The following IL16 variants were observed in gnomAD, a reference collection of about 807,000 sequenced individuals.
IL16 encodes pro-interleukin-16.
In IL16, 67 loss-of-function variants were observed where a neutral mutation model predicts 110.1. That is an observed-to-expected ratio of 0.61 (90% CI 0.50 to 0.75). IL16 has a LOEUF of 0.75. IL16 is among the 30% of genes least tolerant of loss of function. The probability of loss-of-function intolerance (pLI) is 0.00; values close to 1 mark genes in which losing one functional copy is unlikely to be tolerated. For missense variants in IL16, 1,545 were observed against 1,655.0 expected, an observed-to-expected ratio of 0.93 and a Z score of 1.15; for synonymous variants, 689 against 662.9, an observed-to-expected ratio of 1.04 and a Z score of -0.61.
chr15:81,298,767 G>A (rs931392894), intron 13 of IL16, among the ~76,000 whole-genome samples: 10 of 152,200 alleles, frequency 6.6e-5, no homozygotes, highest in African/African-American at 1.9e-4. Flanking sequence ...GCAAACACAC[G>A]GCTTCAGGGC....
chr15:81,215,933 G>C (rs1013954795), intron 1 of IL16, among the ~76,000 whole-genome samples: 1 of 152,250 alleles, frequency 6.6e-6, no homozygotes, highest in Non-Finnish European at 1.5e-5. Context: ...CACCAGGAAA[G>C]TACTCAGGTG....
intron 1 of IL16, among the ~76,000 whole-genome samples, chr15:81,186,988 A>G (rs1895429119): frequency 6.6e-6 from 1 of 152,066 alleles, no homozygotes; most frequent in African/African-American, 2.4e-5. Flanking sequence ...GCATTTCCAA[A>G]TAAGTTGGGG....
In IL16 at chr15:81,299,248, C is replaced by T. The variant is rs1021097273; in HGVS notation, c.2054-132C>T. ...GTAATAGCACCTGGAGTTCACCCACCTGGGTGTCCCCCACTTCTGCTAATC... is the reference window on the plus strand; with the variant it reads ...GTAATAGCACCTGGAGTTCACCCACTTGGGTGTCCCCCACTTCTGCTAATC... On this transcript the variant is annotated intron_variant, in intron 13 of 18. Coordinates refer to ENST00000683961, the MANE Select transcript of IL16 (RefSeq NM_172217.5). 3 of 1,495,156 alleles carry T rather than the reference C, an allele frequency of 2.0e-6. No individual in the cohort carries two copies. In the African/African-American group the frequency reaches 4.1e-5, roughly 21 times the overall value. 92.6% of individuals were successfully genotyped at this position (1,495,156 alleles called of 1,614,324 possible). A position where few individuals can be genotyped will look rare whatever the true frequency, so the allele number is the denominator to read the frequency against.
rs1899037074 is a variant in IL16 at position 81,278,892 on chromosome 15, T to A, written c.864+2T>A. ...CAGGATGCTTTGCAGAAGTTCAAGG[T>A]GACCATTTCTTATCAACACGTGACC... On this transcript the variant is annotated splice_donor_variant, in intron 7 of 18. Coordinates refer to ENST00000683961, the MANE Select transcript of IL16 (RefSeq NM_172217.5). LOFTEE classifies it high-confidence loss of function. The A allele has an allele frequency of 6.2e-7, 1 of 1,606,976 alleles. No homozygotes were observed. Among genetic ancestry groups the A allele is most frequent in the African/African-American group, 1.3e-5 (1 of 74,776 alleles).
chr15:81,301,214 T>C (rs887144959), intron 14 of IL16, 130 bp from the exon 15 acceptor site: 2 of 680,830 alleles, frequency 2.9e-6, no homozygotes, highest in South Asian at 2.0e-5. Context: ...TATCTACTCA[T>C]AGATTTGTTG....
At chr15:81,189,446 T>C (rs537239204) in intron 1 of IL16, among the ~76,000 whole-genome samples, 1 of 152,238 alleles carries the variant, frequency 6.6e-6, no homozygotes, top group African/African-American at 2.4e-5. Context: ...ATTTTTCATT[T>C]TTATTTTTGT....
rs752252940 is a variant in IL16 at position 81,225,641 on chromosome 15, C to T, written c.242C>T (p.Ser81Leu). ...AGTGTTCCTGATCTAGCACTGGCCT[C>T]GGAGGCTGCTCAACTCCAAGCAGCT... Reference protein sequence around the residue: ...PSSVPDLALASEAAQLQAAGN... With the variant: ...PSSVPDLALALEAAQLQAAGN... Residue 81 changes from serine (S) to leucine (L), a missense_variant, in exon 2 of 19, where the codon TCG (serine) becomes TTG (leucine). This residue lies in a region of IL16 where 1,185 missense variants were observed against 1,238.8 expected (regional missense o/e 0.96). Transcript: ENST00000683961. 1.8e-5 allele frequency: 29 copies of T among 1,614,034 alleles called. No homozygotes were observed. Among genetic ancestry groups the T allele is most frequent in the African/African-American group, 1.3e-4 (10 of 75,002 alleles).
At chr15:81,238,436 G>A (rs1223015701) in intron 2 of IL16, among the ~76,000 whole-genome samples, 2 of 151,934 alleles carry the variant, frequency 1.3e-5, no homozygotes, top group Non-Finnish European at 2.9e-5. Flanking sequence ...TTTCATAGTG[G>A]TTGCTGTATA....
rs747861931 is a variant in IL16, at chr15:81,303,513, G to C, written c.3319-36G>C. ...ATGTTAAATTGTTCATCCTCTTGCA[G>C]TAAAATGTTTTTGAATGTATGTATT... is the stretch of plus-strand genomic sequence containing the variant. On this transcript the variant is annotated intron_variant, in intron 15 of 18. Transcript: ENST00000683961. The surrounding 1 kb of genome is among the most constrained non-coding windows in gnomAD (Gnocchi z 4.1). The C allele has an allele frequency of 7.3e-7, 1 of 1,362,602 alleles. No individual in the cohort carries two copies. Among genetic ancestry groups the C allele is most frequent in the Non-Finnish European group, 1.1e-6 (1 of 951,162 alleles). 84.4% of individuals were successfully genotyped at this position (1,362,602 alleles called of 1,614,324 possible). A position where few individuals can be genotyped will look rare whatever the true frequency, so the allele number is the denominator to read the frequency against.
Position 81,313,595 on chromosome 15 carries a change from C to T in IL16, c.*4797C>T, listed in dbSNP as rs143280341. 1.9e-5 allele frequency: 8 copies of T among 424,300 alleles called. No individual in the cohort carries two copies. The highest frequency in any genetic ancestry group is 1.2e-4 in the African/African-American group (6 of 49,010). The allele number at this position is 424,300 out of a possible 1,614,324, so 26.3% of individuals were successfully genotyped here. A position where few individuals can be genotyped will look rare whatever the true frequency, so the allele number is the denominator to read the frequency against. ...TTTTCAGGATGGAAACCCATCCTGT[C>T]GGGGATGCATTCCACAGCCTCTCCC... On this transcript the variant is annotated 3_prime_UTR_variant, in exon 19 of 19. Coordinates refer to ENST00000683961, the MANE Select transcript of IL16 (RefSeq NM_172217.5).
intron 1 of IL16, among the ~76,000 whole-genome samples, chr15:81,187,302 A>G (rs28437474): frequency 0.058 from 8,828 of 152,262 alleles, 823 homozygotes; most frequent in African/African-American, 0.19. Context: ...AAGGCATAAA[A>G]TGTTATCATC....
At position 81,269,537 on chromosome 15, in the gene IL16, G is replaced by A; in HGVS notation, c.565-1G>A. On this transcript the variant is annotated splice_acceptor_variant, in intron 4 of 18. Transcript: ENST00000683961. LOFTEE classifies it high-confidence loss of function. The stretch of plus-strand genomic sequence containing the variant: ...CTGCCTACTCTGGTTCCTTGTTGCA[G>A]GGAACTTCGAGACCAACACGGTCCC... The A allele has an allele frequency of 6.2e-7, 1 of 1,611,138 alleles. No individual in the cohort carries two copies. The highest frequency in any genetic ancestry group is 1.1e-5 in the South Asian group (1 of 90,950).
intron 2 of IL16, among the ~76,000 whole-genome samples, chr15:81,240,805 G>A (rs1897314712): frequency 6.6e-6 from 1 of 151,698 alleles, no homozygotes; most frequent in Admixed American, 6.6e-5. Flanking sequence ...ACTTTAATGT[G>A]GGATTTATCA....
chr15:81,184,556 G>T (rs747200785), intron 1 of IL16, among the ~76,000 whole-genome samples: 1 of 152,220 alleles, frequency 6.6e-6, no homozygotes, highest in Non-Finnish European at 1.5e-5. Context: ...GCAGTTTCCC[G>T]AGAGGGACTC....
chr15:81,278,710 G>A, intron 6 of IL16, 107 bp from the exon 7 acceptor site: 1 of 787,096 alleles, frequency 1.3e-6, no homozygotes, highest in Non-Finnish European at 2.3e-6. Flanking sequence ...AGAGCTTCGT[G>A]CATCATACAA....
In IL16 at chr15:81,273,173, A is replaced by C. The variant is rs1898724825; in HGVS notation, c.759A>C (p.Gly253=). The C allele has an allele frequency of 1.2e-6, 2 of 1,611,572 alleles. No homozygotes were observed. The highest frequency in any genetic ancestry group is 2.2e-5 in the East Asian group (1 of 44,768). ...GIYVKTIFAG[G]AAAADGRLQE... is the part of the protein sequence containing the mutation. The stretch of plus-strand genomic sequence containing the variant: ...ACGTCAAAACCATTTTTGCAGGGGG[A>C]GCAGCAGCAGCCGATGGAAGGCTAC... Residue 253 remains glycine, a synonymous_variant, in exon 6 of 19, where the codon GGA becomes GGC. Coordinates refer to ENST00000683961, the MANE Select transcript of IL16 (RefSeq NM_172217.5).
At chr15:81,237,217 T>C (rs1264835346) in intron 2 of IL16, among the ~76,000 whole-genome samples, 2 of 152,152 alleles carry the variant, frequency 1.3e-5, no homozygotes, top group African/African-American at 4.8e-5. Context: ...CCATAAATCT[T>C]TTCCTGATCC....
At chr15:81,184,178 C>T (rs1895385557) in intron 1 of IL16, among the ~76,000 whole-genome samples, 1 of 152,206 alleles carries the variant, frequency 6.6e-6, no homozygotes, top group East Asian at 1.9e-4. Context: ...GGGACTTGAC[C>T]TGGTGTTTAC....
chr15:81,287,807 G>A (rs569869617), intron 10 of IL16, among the ~76,000 whole-genome samples: 50 of 152,194 alleles, frequency 3.3e-4, no homozygotes, highest in Non-Finnish European at 5.0e-4. Flanking sequence ...CCATTCTGTG[G>A]ATTGCACACT....
Sources: gnomAD v4.1 joint callset for allele counts (sites outside exome capture counted in the v4.1 genomes callset) on GRCh38, gnomAD v4.1.1 for gene constraint, gnomAD v4.1.1 regional missense constraint, Gnocchi (gnomAD v3.1) non-coding constraint, MANE v1.5 for transcripts, NCBI Gene and HGNC (gene_info 2026-07-23, HGNC 2026-07-21) for gene names.